Variants in SOX6 observed in about 807,000 individuals in gnomAD.
SOX6 encodes transcription factor SOX-6.
Under a neutral mutation model 97.8 loss-of-function variants are expected in SOX6, and 11 were observed. The observed-to-expected ratio is 0.11, with a 90% confidence interval of 0.07 to 0.19. The LOEUF (loss-of-function observed/expected upper bound fraction) is 0.19, where lower values mean the gene tolerates loss of function less well. SOX6 is among the 10% of genes least tolerant of loss of function. The pLI, the probability that SOX6 is intolerant of heterozygous loss-of-function variation, is 1.00. For missense variants in SOX6, 810 were observed against 1,039.5 expected (o/e 0.78, Z 3.04); for synonymous variants, 360 against 371.4 (o/e 0.97, Z 0.35).
At chr11:16,591,813 A>G (rs764799051) in intron 4 of SOX6, among the ~76,000 whole-genome samples, 1 of 152,140 alleles carries the variant, frequency 6.6e-6, no homozygotes. Flanking sequence ...TATGTAATCA[A>G]TTTGTGCAAT....
intron 1 of SOX6, among the ~76,000 whole-genome samples, chr11:16,433,973 T>C (rs545241113): frequency 2.0e-5 from 3 of 152,224 alleles, no homozygotes; most frequent in African/African-American, 7.2e-5. Context: ...ATTTTAACCA[T>C]ATGTACCCTT....
chr11:16,536,579 A>C (rs1861311320), intron 4 of SOX6, among the ~76,000 whole-genome samples: 1 of 152,180 alleles, frequency 6.6e-6, no homozygotes, highest in South Asian at 2.1e-4. Flanking sequence ...AGTACCTGGA[A>C]AAACAGTACA....
intron 3 of SOX6, among the ~76,000 whole-genome samples, chr11:16,684,236 T>C (rs1157289556): frequency 6.6e-6 from 1 of 152,192 alleles, no homozygotes; most frequent in Non-Finnish European, 1.5e-5. Context: ...ACTGGGTATA[T>C]ACCCAAAGGA....
intron 13 of SOX6, among the ~76,000 whole-genome samples, chr11:16,009,397 G>T (rs146622428): frequency 5.9e-4 from 90 of 152,130 alleles, no homozygotes; most frequent in African/African-American, 2.0e-3. Context: ...TGTCAAGGAT[G>T]GAACAACCAG....
intron 1 of SOX6, among the ~76,000 whole-genome samples, chr11:16,341,537 T>C (rs1471291077): frequency 2.6e-5 from 4 of 152,104 alleles, no homozygotes; most frequent in Admixed American, 2.0e-4. Context: ...AGGGTGTGTA[T>C]GTGTATATTT....
chr11:16,402,608 C>T, intron 1 of SOX6: 3 of 1,515,436 alleles, frequency 2.0e-6, no homozygotes, highest in Non-Finnish European at 2.7e-6. Context: ...TTAATGAAAG[C>T]AGACTGAAGT....
chr11:16,504,567 G>GAA (rs71313432), intron 4 of SOX6, among the ~76,000 whole-genome samples: 5 of 150,680 alleles, frequency 3.3e-5, no homozygotes, highest in East Asian at 1.9e-4. Context: ...ACCACTGATG[G>GAA]AAAAAAAAAT....
At chr11:16,516,865 G>T (rs546931437) in intron 4 of SOX6, among the ~76,000 whole-genome samples, 1 of 151,242 alleles carries the variant, frequency 6.6e-6, no homozygotes, top group Admixed American at 6.6e-5. Flanking sequence ...GTCGGGCAGA[G>T]ACACAACCAA....
intron 2 of SOX6, among the ~76,000 whole-genome samples, chr11:16,323,951 A>G (rs923582157): frequency 1.2e-4 from 19 of 152,030 alleles, no homozygotes; most frequent in Admixed American, 7.9e-4. Context: ...TGAGAAGTCA[A>G]GCAGGAGGAT....
At chr11:16,464,646 A>C (rs1202586286) in intron 1 of SOX6, among the ~76,000 whole-genome samples, 3 of 152,200 alleles carry the variant, frequency 2.0e-5, no homozygotes, top group Non-Finnish European at 2.9e-5. Flanking sequence ...GATCTATCAG[A>C]TATAAAGATG....
intron 3 of SOX6, among the ~76,000 whole-genome samples, chr11:16,638,636 T>C (rs1403659648): frequency 6.6e-6 from 1 of 152,246 alleles, no homozygotes; most frequent in Non-Finnish European, 1.5e-5. Context: ...TGGTATCTCA[T>C]TGTGGGTTTG....
chr11:16,132,278 G>GGAAT lies in SOX6; in HGVS notation c.778-20356_778-20355insATTC, dbSNP rs1207086766. 6.8e-4 allele frequency among the ~76,000 whole-genome samples: 15 copies of GGAAT among 22,014 alleles called. 1 individual carries two copies. Among genetic ancestry groups the GGAAT allele is most frequent in the African/African-American group, 2.1e-3 (15 of 6,992 alleles). The allele number at this position is 22,014 out of a possible 152,430, so 14.4% of individuals were successfully genotyped here. ...AAGAAAGAAAGAAAGAAGGAAGGAA[G>GGAAT]GAAGGAAGGAAGGAAGGAAGGAAGG... On this transcript the variant is annotated intron_variant, in intron 6 of 15. Coordinates refer to ENST00000683767, the MANE Select transcript of SOX6 (RefSeq NM_001367873.1).
intron 4 of SOX6, among the ~76,000 whole-genome samples, chr11:16,213,752 C>A (rs1852291617): frequency 6.6e-6 from 1 of 152,100 alleles, no homozygotes; most frequent in South Asian, 2.1e-4. Flanking sequence ...GTCTGTATTT[C>A]TTGCAACAAT....
intron 12 of SOX6, among the ~76,000 whole-genome samples, chr11:16,040,145 G>A (rs1046723563): frequency 1.3e-5 from 2 of 152,000 alleles, no homozygotes; most frequent in Non-Finnish European, 2.9e-5. Context: ...ACTAGATGTG[G>A]CCTTTTGACT....
intron 2 of SOX6, among the ~76,000 whole-genome samples, chr11:16,731,071 AT>A (rs2134059961): frequency 6.6e-6 from 1 of 152,286 alleles, no homozygotes; most frequent in African/African-American, 2.4e-5. Context: ...CCCTGAATAG[AT>A]CAATAACAAG....
At chr11:16,036,106 T>A (rs1361725810) in intron 12 of SOX6, among the ~76,000 whole-genome samples, 1 of 145,574 alleles carries the variant, frequency 6.9e-6, no homozygotes, top group African/African-American at 2.6e-5. Flanking sequence ...TGAGATGGAG[T>A]TTCGCTCTTG....
At chr11:16,654,138 C>T (rs1847691816) in intron 3 of SOX6, among the ~76,000 whole-genome samples, 1 of 151,994 alleles carries the variant, frequency 6.6e-6, no homozygotes, top group African/African-American at 2.4e-5. Context: ...GTTTGTATGT[C>T]TCAAAAGTGC....
intron 4 of SOX6, among the ~76,000 whole-genome samples, chr11:16,609,944 G>T (rs1848377707): frequency 6.6e-6 from 1 of 152,204 alleles, no homozygotes; most frequent in African/African-American, 2.4e-5. Flanking sequence ...AGGGGCCAGA[G>T]CCTGGAGGCC....
chr11:15,988,655 A>C (rs1853941520), intron 14 of SOX6, among the ~76,000 whole-genome samples: 1 of 152,208 alleles, frequency 6.6e-6, no homozygotes, highest in Admixed American at 6.5e-5. Context: ...AAGGAGATAA[A>C]GCTTGTCTCC....
Sources: gnomAD v4.1 joint callset for allele counts (sites outside exome capture counted in the v4.1 genomes callset) on GRCh38, gnomAD v4.1.1 for gene constraint, MANE v1.5 for transcripts, NCBI Gene and HGNC (gene_info 2026-07-23, HGNC 2026-07-21) for gene names.